Variants in ACSF2 observed in about 807,000 individuals in gnomAD.
ACSF2 encodes acyl-CoA synthetase family member 2.
A neutral mutation model predicts 79.3 loss-of-function variants in ACSF2; 52 were observed. The ratio of observed to expected loss-of-function variants is 0.66; its 90% confidence interval spans 0.53 to 0.83. The LOEUF (loss-of-function observed/expected upper bound fraction) is 0.83, where lower values mean the gene tolerates loss of function less well. ACSF2 is among the 40% of genes least tolerant of loss of function. The pLI is 0.00. For synonymous variants in ACSF2, 283 were observed against 312.6 expected (o/e 0.91, Z 1.00); for missense variants, 661 against 803.3 (o/e 0.82, Z 2.14).
At chr17:50,448,750 A>G (rs1006556299) in intron 1 of ACSF2, among the ~76,000 whole-genome samples, 9 of 152,174 alleles carry the variant, frequency 5.9e-5, no homozygotes, top group African/African-American at 1.4e-4. Flanking sequence ...TTGCTGGGCA[A>G]ATGTCCTCAC....
At chr17:50,438,823 T>C (rs1210944101) in intron 1 of ACSF2, among the ~76,000 whole-genome samples, 1 of 152,286 alleles carries the variant, frequency 6.6e-6, no homozygotes, top group South Asian at 2.1e-4. Context: ...TGTCTCCGAC[T>C]CCCAAAGTGC....
chr17:50,426,418 G>A (rs766784876), intron 1 of ACSF2, 29 bp downstream of exon 1: 2 of 1,299,430 alleles, frequency 1.5e-6, no homozygotes, highest in East Asian at 3.0e-5. Context: ...AAGAGAGGGG[G>A]CGGGGCAGTT....
chr17:50,462,160 A>T, intron 4 of ACSF2, 24 bp from the exon 5 acceptor site: 1 of 1,605,390 alleles, frequency 6.2e-7, no homozygotes, highest in Non-Finnish European at 8.5e-7. Context: ...CGCTGACTGG[A>T]GGTGGGGGAC....
Position 50,464,770 on chromosome 17 carries a change from G to GGGA in ACSF2, c.1215+478_1215+479insAGG, listed in dbSNP as rs565678266. ...AACCTGTTGTGGTTCTGATTGACTT[G>GGGA]GGGGGGGGGTCTCAGCAACAGCTTC... On this transcript the variant is annotated intron_variant, in intron 10 of 15. Transcript: ENST00000300441. 6 of 163,350 alleles carry GGGA rather than the reference G, an allele frequency of 3.7e-5. 1 individual carries two copies. Among genetic ancestry groups the GGGA allele is most frequent in the African/African-American group, 2.2e-4 (3 of 13,618 alleles). The allele number at this position is 163,350 out of a possible 1,614,324, so 10.1% of individuals were successfully genotyped here.
intron 6 of ACSF2, 29 bp downstream of exon 6, chr17:50,462,614 C>A: frequency 6.2e-7 from 1 of 1,603,908 alleles, no homozygotes; most frequent in East Asian, 2.2e-5. Flanking sequence ...GGCCCCAAGC[C>A]CAGATGGACA....
chr17:50,470,439 G>T (rs1369389962), intron 10 of ACSF2, among the ~76,000 whole-genome samples: 2 of 152,064 alleles, frequency 1.3e-5, no homozygotes. Flanking sequence ...CACTGCTTAG[G>T]TTGTTTTTTT....
Position 50,469,014 on chromosome 17 carries a change from G to A in ACSF2, c.1216-2014G>A, listed in dbSNP as rs1403459113. The A allele has an allele frequency of 3.7e-6, 5 of 1,352,796 alleles. No homozygotes were observed. The African/African-American group carries it at 6.2e-5, about 17-fold the overall frequency. 83.8% of individuals were successfully genotyped at this position (1,352,796 alleles called of 1,614,324 possible). A position where few individuals can be genotyped will look rare whatever the true frequency, so the allele number is the denominator to read the frequency against. Reference sequence around the variant, plus strand: ...CCAGAGATGCGCCCCCGCCCTCCACGGGGAAGGGGGCGGGGCCGTTCCCCC... The same window carrying A: ...CCAGAGATGCGCCCCCGCCCTCCACAGGGAAGGGGGCGGGGCCGTTCCCCC... On this transcript the variant is annotated intron_variant, in intron 10 of 15. Coordinates refer to ENST00000300441, the MANE Select transcript of ACSF2 (RefSeq NM_025149.6).
At chr17:50,439,195 C>T (rs1193094999) in intron 1 of ACSF2, among the ~76,000 whole-genome samples, 2 of 149,596 alleles carry the variant, frequency 1.3e-5, no homozygotes, top group African/African-American at 2.5e-5. Flanking sequence ...TTCAACCTCC[C>T]GAGCAGCTGG....
At chr17:50,451,282 A>G (rs894236694) in intron 1 of ACSF2, among the ~76,000 whole-genome samples, 6 of 152,102 alleles carry the variant, frequency 3.9e-5, no homozygotes, top group Non-Finnish European at 7.4e-5. Flanking sequence ...TTGGGCATAT[A>G]TTATAACTAG....
chr17:50,427,589 C>T (rs1254036126), intron 1 of ACSF2, among the ~76,000 whole-genome samples: 1 of 152,124 alleles, frequency 6.6e-6, no homozygotes, highest in African/African-American at 2.4e-5. Flanking sequence ...CTCCTCTGGA[C>T]TCATGGCTGC....
chr17:50,435,661 C>T (rs2030341890), intron 1 of ACSF2, among the ~76,000 whole-genome samples: 1 of 152,202 alleles, frequency 6.6e-6, no homozygotes, highest in South Asian at 2.1e-4. Context: ...ATTTTCCCAC[C>T]TCAGCCTCCC....
chr17:50,466,336 G>A (rs960295106), intron 10 of ACSF2, among the ~76,000 whole-genome samples: 5 of 152,076 alleles, frequency 3.3e-5, no homozygotes, highest in South Asian at 2.1e-4. Context: ...TGATCTACCC[G>A]CCTCAGCCTC....
intron 6 of ACSF2, chr17:50,462,801 T>G: frequency 1.6e-6 from 1 of 616,560 alleles, no homozygotes; most frequent in Non-Finnish European, 2.8e-6. Context: ...AGCCCTCTTG[T>G]TCCCGGTGCA....
At chr17:50,462,352 T>C in intron 5 of ACSF2, 50 bp downstream of exon 5, 2 of 1,612,142 alleles carry the variant, frequency 1.2e-6, no homozygotes, top group Non-Finnish European at 1.7e-6. Flanking sequence ...CATCCCTGAT[T>C]CCTTCACTTC....
At chr17:50,445,909 T>C (rs2031270512) in intron 1 of ACSF2, among the ~76,000 whole-genome samples, 1 of 152,226 alleles carries the variant, frequency 6.6e-6, no homozygotes, top group African/African-American at 2.4e-5. Context: ...TCAGCTGCTC[T>C]GTGCTCCTGA....
At position 50,471,068 on chromosome 17, in the gene ACSF2, C is replaced by T. The variant is rs148600715; in HGVS notation, c.1256C>T (p.Ala419Val). The change falls in exon 11 of 16, where the codon GCG (alanine) becomes GTG (valine). Residue 419 changes from alanine (A) to valine (V), a missense_variant. Physicochemically the swap from Ala to Val is moderately conservative, Grantham distance 64. Coordinates refer to ENST00000300441, the MANE Select transcript of ACSF2 (RefSeq NM_025149.6). The surrounding 1 kb of genome is among the most constrained non-coding windows in gnomAD (Gnocchi z 4.1). The part of the protein sequence containing the change: ...GTTENSPVTF[A>V]HFPEDTVEQK... ...ACAGAGAACAGTCCCGTGACATTCG[C>T]GCACTTCCCTGAGGACACTGTGGAG... 54 of 1,613,938 alleles carry T rather than the reference C, an allele frequency of 3.3e-5. No homozygotes were observed. Among genetic ancestry groups the T allele is most frequent in the Non-Finnish European group, 4.3e-5 (51 of 1,180,010 alleles).
At position 50,462,199 on chromosome 17, in the gene ACSF2, C is replaced by G; in HGVS notation, c.523C>G (p.Leu175Val). ...YVLKKVGCKA[L>V]VFPKQFKTQQ... ...CCTTCCACAGGTGGGCTGCAAGGCC[C>G]TTGTGTTCCCCAAGCAATTCAAGAC... The change falls in exon 5 of 16, where the codon CTT (leucine) becomes GTT (valine). Residue 175 changes from leucine to valine, a missense_variant. Physicochemically the swap from Leu to Val is conservative, Grantham distance 32. Transcript: ENST00000300441. The G allele has an allele frequency of 1.9e-6, 3 of 1,613,914 alleles. No individual in the cohort carries two copies. The highest frequency in any genetic ancestry group is 2.5e-6 in the Non-Finnish European group (3 of 1,179,978).
At chr17:50,440,369 T>C (rs961342678) in intron 1 of ACSF2, among the ~76,000 whole-genome samples, 9 of 152,138 alleles carry the variant, frequency 5.9e-5, no homozygotes, top group Admixed American at 1.3e-4. Context: ...GCCTGAGGCA[T>C]TTCCACCCCC....
intron 10 of ACSF2, chr17:50,465,325 CT>C (rs2032631166): frequency 1.2e-6 from 2 of 1,614,082 alleles, no homozygotes; most frequent in East Asian, 4.5e-5. Context: ...TCTTGGACCT[CT>C]TGGTGGGGAA....
Sources: gnomAD v4.1 joint callset for allele counts (sites outside exome capture counted in the v4.1 genomes callset) on GRCh38, gnomAD v4.1.1 for gene constraint, Gnocchi (gnomAD v3.1) non-coding constraint, MANE v1.5 for transcripts, NCBI Gene and HGNC (gene_info 2026-07-23, HGNC 2026-07-21) for gene names.